The following GNA14 variants were observed in gnomAD, a reference collection of about 807,000 sequenced individuals.
The protein encoded by GNA14 is guanine nucleotide-binding protein subunit alpha-14.
In GNA14, 50 loss-of-function variants were observed where a neutral mutation model predicts 42.0. The ratio of observed to expected loss-of-function variants is 1.19; its 90% CI spans 0.95 to 1.51. The LOEUF (loss-of-function observed/expected upper bound fraction) is 1.51, where lower values mean the gene tolerates loss of function less well. Ranked by LOEUF, GNA14 falls within the 40% of genes most tolerant of loss-of-function variation. The pLI is 0.00. For synonymous variants in GNA14, 173 were observed against 163.1 expected, an observed-to-expected ratio of 1.06 and a Z score of -0.46; for missense variants, 473 against 446.2, an observed-to-expected ratio of 1.06 and a Z score of -0.54.
chr9:77,600,142 G>C (rs1464269400), intron 1 of GNA14, among the ~76,000 whole-genome samples: 1 of 152,142 alleles, frequency 6.6e-6, no homozygotes, highest in African/African-American at 2.4e-5. Flanking sequence ...GTCCTTGTTT[G>C]AGGGCCTTTT....
chr9:77,461,364 C>A, intron 2 of GNA14, among the ~76,000 whole-genome samples: 1 of 152,324 alleles, frequency 6.6e-6, no homozygotes, highest in Non-Finnish European at 1.5e-5. Flanking sequence ...CATTGAGAAG[C>A]TCTGGAATAA....
chr9:77,566,036 G>A (rs1472308874), intron 1 of GNA14, among the ~76,000 whole-genome samples: 1 of 152,026 alleles, frequency 6.6e-6, no homozygotes. Context: ...CAATGCACAG[G>A]ACAGTCTCTC....
At chr9:77,484,853 G>A (rs1054527893) in intron 2 of GNA14, among the ~76,000 whole-genome samples, 7 of 152,148 alleles carry the variant, frequency 4.6e-5, no homozygotes, top group Non-Finnish European at 8.8e-5. Flanking sequence ...TATTAAGTGT[G>A]CAATAGCATT....
At chr9:77,620,271 G>A (rs1276105594) in intron 1 of GNA14, among the ~76,000 whole-genome samples, 1 of 152,202 alleles carries the variant, frequency 6.6e-6, no homozygotes, top group Non-Finnish European at 1.5e-5. Context: ...GTGACTTGTT[G>A]AAGGTCACCA....
At chr9:77,457,621 C>A (rs1265706404) in intron 2 of GNA14, among the ~76,000 whole-genome samples, 1 of 152,172 alleles carries the variant, frequency 6.6e-6, no homozygotes, top group Non-Finnish European at 1.5e-5. Context: ...ACTCTTTGCA[C>A]TGAATTTAAC....
intron 1 of GNA14, among the ~76,000 whole-genome samples, chr9:77,618,595 TATATATATATATATATATATA>T (rs1564067720): frequency 3.1e-4 from 4 of 13,006 alleles, no homozygotes; most frequent in South Asian, 1.9e-3. Context: ...TATATATATA[TATATATATATATATATATATA>T]TATATTTTTT....
chr9:77,515,538 T>A (rs1024503154), intron 2 of GNA14, among the ~76,000 whole-genome samples: 2 of 152,190 alleles, frequency 1.3e-5, no homozygotes, highest in Non-Finnish European at 2.9e-5. Flanking sequence ...CAAAACTATG[T>A]TATAATAACT....
intron 2 of GNA14, among the ~76,000 whole-genome samples, chr9:77,434,777 A>G (rs534293848): frequency 6.6e-6 from 1 of 152,272 alleles, no homozygotes; most frequent in Admixed American, 6.5e-5. Flanking sequence ...GTGCCCAGCC[A>G]TGTCCTGGGC....
intron 1 of GNA14, among the ~76,000 whole-genome samples, chr9:77,561,289 A>C (rs1822878840): frequency 6.6e-6 from 1 of 152,192 alleles, no homozygotes; most frequent in South Asian, 2.1e-4. Flanking sequence ...GGGTCAAAAT[A>C]CCTTCCCAAA....
intron 2 of GNA14, among the ~76,000 whole-genome samples, chr9:77,435,505 G>C (rs1003788212): frequency 3.9e-5 from 6 of 151,956 alleles, no homozygotes; most frequent in Non-Finnish European, 8.8e-5. Flanking sequence ...CCCACTGGGA[G>C]CCTCCCTCCC....
At chr9:77,439,696 G>A (rs1183144586) in intron 2 of GNA14, among the ~76,000 whole-genome samples, 2 of 152,172 alleles carry the variant, frequency 1.3e-5, no homozygotes, top group Non-Finnish European at 2.9e-5. Context: ...GTTCTCTCTG[G>A]TTTGGCAAGC....
chr9:77,598,937 A>C (rs1235496998), intron 1 of GNA14, among the ~76,000 whole-genome samples: 1 of 152,240 alleles, frequency 6.6e-6, no homozygotes, highest in Non-Finnish European at 1.5e-5. Flanking sequence ...ATTATGTCTA[A>C]ATAATAAACC....
intron 1 of GNA14, among the ~76,000 whole-genome samples, chr9:77,537,710 T>C (rs1301009531): frequency 2.0e-5 from 3 of 152,174 alleles, no homozygotes; most frequent in South Asian, 2.1e-4. Flanking sequence ...AGTGTATGAG[T>C]TCCCTTTTCT....
chr9:77,597,417 G>A (rs1226537880), intron 1 of GNA14, among the ~76,000 whole-genome samples: 1 of 152,108 alleles, frequency 6.6e-6, no homozygotes, highest in Non-Finnish European at 1.5e-5. Flanking sequence ...AGTGGACACA[G>A]TATAACGTTA....
At chr9:77,439,637 A>C (rs904732783) in intron 2 of GNA14, among the ~76,000 whole-genome samples, 2 of 151,656 alleles carry the variant, frequency 1.3e-5, no homozygotes, top group African/African-American at 4.9e-5. Flanking sequence ...ATACTGTTTC[A>C]AAAATAATAA....
chr9:77,570,077 A>C (rs948472206), intron 1 of GNA14, among the ~76,000 whole-genome samples: 11 of 152,068 alleles, frequency 7.2e-5, no homozygotes, highest in African/African-American at 2.7e-4. Flanking sequence ...TGGAAGCGAA[A>C]ATGTCCACAC....
intron 2 of GNA14, among the ~76,000 whole-genome samples, chr9:77,460,584 G>T (rs962177162): frequency 6.6e-6 from 1 of 152,248 alleles, no homozygotes; most frequent in Non-Finnish European, 1.5e-5. Context: ...GGCTGGGAGG[G>T]CGTCTGCAAG....
In GNA14 at chr9:77,467,536, C is replaced by T. The variant is rs915096130; in HGVS notation, c.310-33014G>A. The stretch of plus-strand genomic sequence containing the variant: ...CTACTAGATTCATGGAGCTACCAGC[C>T]CCCACCCCTTAATTGCTCACCACCA... On this transcript the variant is annotated intron_variant, in intron 2 of 6. Transcript: ENST00000341700. Among the ~76,000 whole-genome samples the T allele has an allele frequency of 2.0e-5, 3 of 150,530 alleles. No homozygotes were observed. In the South Asian group the frequency reaches 6.4e-4, roughly 32 times the overall value.
At position 77,591,964 on chromosome 9, in the gene GNA14, G is replaced by T. The variant is rs1309751934; in HGVS notation, c.124+55706C>A. Among the ~76,000 whole-genome samples the T allele has an allele frequency of 2.0e-5, 3 of 150,164 alleles. 1 individual carries two copies. Among genetic ancestry groups the T allele is most frequent in the Admixed American group, 2.0e-4 (3 of 15,114 alleles). ...GAGTCTCGCTCTGTCACCTAGGCTGGAGTGCAGTGGCGCGATCTCAGCTCA... is the reference window on the plus strand; with the variant it reads ...GAGTCTCGCTCTGTCACCTAGGCTGTAGTGCAGTGGCGCGATCTCAGCTCA... On this transcript the variant is annotated intron_variant, in intron 1 of 6. Transcript: ENST00000341700.
Sources: gnomAD v4.1 joint callset for allele counts (sites outside exome capture counted in the v4.1 genomes callset) on GRCh38, gnomAD v4.1.1 for gene constraint, MANE v1.5 for transcripts, NCBI Gene and HGNC (gene_info 2026-07-23, HGNC 2026-07-21) for gene names.